Variants in ANKRD26 observed in about 807,000 individuals in gnomAD.
ANKRD26 encodes ankyrin repeat domain-containing protein 26.
ANKRD26 carries 141 observed loss-of-function variants against 208.7 expected under a neutral mutation model. The ratio of observed to expected loss-of-function variants is 0.68; its 90% CI spans 0.59 to 0.78. The LOEUF (loss-of-function observed/expected upper bound fraction) is 0.78. Ranked by LOEUF, ANKRD26 falls within the 30% of genes least tolerant of loss-of-function variation. The pLI is 0.00. For missense variants in ANKRD26, 1,889 were observed against 1,938.7 expected, an observed-to-expected ratio of 0.97 and a Z score of 0.48; for synonymous variants, 636 against 660.4, an observed-to-expected ratio of 0.96 and a Z score of 0.57.
In ANKRD26 at chr10:27,053,327, T is replaced by A. The variant is rs372423427; in HGVS notation, c.1628A>T (p.Gln543Leu). 5.3e-5 allele frequency: 85 copies of A among 1,606,424 alleles called. No homozygotes were observed. Among genetic ancestry groups the A allele is most frequent in the Non-Finnish European group, 7.0e-5 (82 of 1,175,226 alleles). Residue 543 changes from glutamine (Q) to leucine (L), a missense_variant, in exon 16 of 34, where the codon CAG becomes CTG. By Grantham distance (113) the Gln-to-Leu change is moderately radical (BLOSUM62 -2). Coordinates refer to ENST00000376087, the MANE Select transcript of ANKRD26 (RefSeq NM_014915.3). ...TTTAAAAATATATAATACCTGTGGC[T>A]GGTTATTTTCACTCCCTTCCCTTTC... Reference protein sequence around the residue: ...EQEREGSENNQPQVEEERKKH... With the variant: ...EQEREGSENNLPQVEEERKKH...
intron 24 of ANKRD26, 55 bp downstream of exon 24, chr10:27,034,741 A>G (rs990679724): frequency 3.5e-6 from 4 of 1,155,708 alleles, no homozygotes; most frequent in Non-Finnish European, 5.0e-6. Context: ...ACTATATATT[A>G]TTTTAAATTT....
the ANKRD26 span, among the ~76,000 whole-genome samples, chr10:26,966,581 C>T: frequency 2.6e-5 from 4 of 152,256 alleles, no homozygotes; most frequent in East Asian, 7.7e-4. Flanking sequence ...GCACGTTCTG[C>T]ACATGTATCC....
intron 5 of ANKRD26, among the ~76,000 whole-genome samples, chr10:26,994,523 C>T (rs981241726): frequency 2.0e-5 from 3 of 151,562 alleles, no homozygotes; most frequent in East Asian, 3.9e-4. Context: ...ATTTCCCTCT[C>T]GTTTGGGCTA....
At chr10:27,077,279 T>G in intron 9 of ANKRD26, 59 bp downstream of exon 9, 2 of 1,374,466 alleles carry the variant, frequency 1.5e-6, no homozygotes, top group Non-Finnish European at 2.1e-6. Flanking sequence ...TGCATCATTA[T>G]GAGGATTGTT....
chr10:26,981,157 G>A (rs1279480009), intron 4 of ANKRD26, among the ~76,000 whole-genome samples: 1 of 152,176 alleles, frequency 6.6e-6, no homozygotes, highest in Non-Finnish European at 1.5e-5. Context: ...ACTGTCACAG[G>A]TATTGACTAT....
At chr10:27,096,205 T>G (rs1259499846) in intron 1 of ANKRD26, among the ~76,000 whole-genome samples, 5 of 152,184 alleles carry the variant, frequency 3.3e-5, no homozygotes, top group Non-Finnish European at 5.9e-5. Context: ...GACAGTTTTA[T>G]ATGAGAAATC....
At chr10:27,086,405 G>T (rs1385878244) in intron 5 of ANKRD26, 134 bp downstream of exon 5, 2 of 1,142,932 alleles carry the variant, frequency 1.7e-6, no homozygotes, top group Non-Finnish European at 2.4e-6. Flanking sequence ...ATTACCAAGA[G>T]AAATTAAGAA....
Position 27,092,437 on chromosome 10 carries a change from CT to C in ANKRD26, c.606del (p.Ala203GlnfsTer3). The C allele has an allele frequency of 6.2e-7, 1 of 1,612,964 alleles. No individual in the cohort carries two copies. On this transcript the variant is annotated frameshift_variant, in exon 4 of 34. Coordinates refer to ENST00000376087, the MANE Select transcript of ANKRD26 (RefSeq NM_014915.3). LOFTEE classifies it high-confidence loss of function. ...AACTTATCTACTGCATTTACATTTG[CT>C]TTTTTCTTTATTAAAAATTCCACCA... ...QQMVEFLIKK[K>X]ANVNAVDKLE...
chr10:26,981,046 T>G (rs1017125399), intron 4 of ANKRD26, among the ~76,000 whole-genome samples: 1 of 152,182 alleles, frequency 6.6e-6, no homozygotes, highest in Admixed American at 6.5e-5. Flanking sequence ...TTTTTGTGCA[T>G]GCATTTTCCA....
chr10:27,005,747 T>C (rs563164359), intron 33 of ANKRD26, 24 bp from the exon 34 acceptor site: 38 of 1,598,614 alleles, frequency 2.4e-5, no homozygotes, highest in Non-Finnish European at 3.1e-5. Context: ...GAAAGAATTA[T>C]ATTCCTTACC....
intron 1 of ANKRD26, among the ~76,000 whole-genome samples, chr10:27,098,454 A>G (rs1377751646): frequency 6.6e-6 from 1 of 152,248 alleles, no homozygotes; most frequent in East Asian, 1.9e-4. Context: ...CATTAATAAT[A>G]AATTTTCACT....
intron 9 of ANKRD26, among the ~76,000 whole-genome samples, chr10:27,068,448 G>A (rs2055346947): frequency 6.6e-6 from 1 of 152,166 alleles, no homozygotes. Flanking sequence ...TTTTAGCAAT[G>A]TGACAACAGA....
chr10:26,975,813 G>A (rs528243760), exon 6 of ANKRD26, among the ~76,000 whole-genome samples: 16 of 152,016 alleles, frequency 1.1e-4, no homozygotes, highest in Admixed American at 2.0e-4. Flanking sequence ...CTGCACTCCA[G>A]TGTGGGTGAC....
the ANKRD26 span, among the ~76,000 whole-genome samples, chr10:26,959,706 C>T: frequency 1.3e-5 from 2 of 150,986 alleles, no homozygotes; most frequent in African/African-American, 4.9e-5. Context: ...TCTCGAACTC[C>T]TGACCTCAAG....
At chr10:26,972,715 C>G (rs1027542448), downstream of ANKRD26, among the ~76,000 whole-genome samples, 3 of 151,656 alleles carry the variant, frequency 2.0e-5, no homozygotes, top group African/African-American at 7.3e-5. Context: ...CTCAGCCTCC[C>G]GAGCAGCTGG....
Position 27,100,238 on chromosome 10 carries a change from G to T in ANKRD26, c.89C>A (p.Pro30Gln), listed in dbSNP as rs780741494. Reference protein sequence around the residue: ...QRSSAGGGGEPGEGAYSQPGY... With the variant: ...QRSSAGGGGEQGEGAYSQPGY... ...GGGCTGCGAGTAGGCGCCCTCCCCCGGCTCGCCCCCGCCTCCCGCGCTGCT... is the reference window on the plus strand; with the variant it reads ...GGGCTGCGAGTAGGCGCCCTCCCCCTGCTCGCCCCCGCCTCCCGCGCTGCT... The change falls in exon 1 of 34, where the codon CCG becomes CAG. Residue 30 changes from proline to glutamine, a missense_variant. This residue lies in a region of ANKRD26 where 1,272 missense variants were observed against 1,273.8 expected (regional missense o/e 1.00). Transcript: ENST00000376087. 1.9e-6 allele frequency: 3 copies of T among 1,612,104 alleles called. No individual in the cohort carries two copies. Among genetic ancestry groups the T allele is most frequent in the East Asian group, 4.5e-5 (2 of 44,874 alleles).
At position 27,044,205 on chromosome 10, in the gene ANKRD26, T is replaced by A. The variant is rs1233172485; in HGVS notation, c.1986-15A>T. On this transcript the variant is annotated splice_polypyrimidine_tract_variant and intron_variant, in intron 18 of 33. Transcript: ENST00000376087. ...TCTTAGTAGGCCTAAAAAAAAAAAA[T>A]ACCTTTCAGGCAAATAGTAAACATG... 1.1e-5 allele frequency: 15 copies of A among 1,398,164 alleles called. No individual in the cohort carries two copies. The highest frequency in any genetic ancestry group is 1.4e-5 in the Non-Finnish European group (14 of 1,023,116). 86.6% of individuals were successfully genotyped at this position (1,398,164 alleles called of 1,614,324 possible). A position where few individuals can be genotyped will look rare whatever the true frequency, so the allele number is the denominator to read the frequency against.
intron 27 of ANKRD26, among the ~76,000 whole-genome samples, chr10:27,027,245 T>G (rs1466663302): frequency 6.6e-6 from 1 of 152,210 alleles, no homozygotes; most frequent in African/African-American, 2.4e-5. Context: ...AAAAACACAT[T>G]ACTTTGGGGG....
At chr10:26,986,474 C>G (rs1204735287) in intron 3 of ANKRD26, among the ~76,000 whole-genome samples, 17 of 152,016 alleles carry the variant, frequency 1.1e-4, no homozygotes, top group African/African-American at 4.1e-4. Flanking sequence ...AAAGAAACTA[C>G]CATCAGAGTG....
Sources: allele counts gnomAD v4.1 joint callset (sites outside exome capture counted in the v4.1 genomes callset), GRCh38; gene constraint gnomAD v4.1.1; regional missense constraint gnomAD v4.1.1; transcripts MANE v1.5; gene names NCBI Gene and HGNC (gene_info 2026-07-23, HGNC 2026-07-21).